Variants in ARHGAP26 observed in about 807,000 individuals in gnomAD.
ARHGAP26 encodes rho GTPase-activating protein 26.
Under a neutral mutation model 104.8 loss-of-function variants are expected in ARHGAP26, and 38 were observed. The ratio of observed to expected loss-of-function variants is 0.36; its 90% CI spans 0.28 to 0.48. The LOEUF is 0.48. Among genes scored for constraint, ARHGAP26 ranks in the 20% least tolerant of loss-of-function variants. ARHGAP26 has a pLI of 0.99. For synonymous variants in ARHGAP26, 341 were observed against 340.0 expected, an observed-to-expected ratio of 1.00 and a Z score of -0.03; for missense variants, 704 against 947.9, an observed-to-expected ratio of 0.74 and a Z score of 3.38.
chr5:142,797,994 G>A (rs1176768027), intron 1 of ARHGAP26, among the ~76,000 whole-genome samples: 20 of 152,172 alleles, frequency 1.3e-4, no homozygotes, highest in Admixed American at 1.3e-3. Flanking sequence ...TTTCCGCTAT[G>A]TCCCAGCCTT....
intron 1 of ARHGAP26, among the ~76,000 whole-genome samples, chr5:142,834,713 A>C (rs1769207453): frequency 6.6e-6 from 1 of 152,204 alleles, no homozygotes; most frequent in African/African-American, 2.4e-5. Context: ...GGGCCTCTTG[A>C]GGCCTAGGCT....
chr5:142,889,011 G>T (rs1451036546), intron 5 of ARHGAP26, among the ~76,000 whole-genome samples: 1 of 152,186 alleles, frequency 6.6e-6, no homozygotes, highest in Non-Finnish European at 1.5e-5. Context: ...CCATTGCAGG[G>T]GGCCCAAGGA....
At chr5:142,803,703 C>A (rs1236450508) in intron 1 of ARHGAP26, among the ~76,000 whole-genome samples, 1 of 152,210 alleles carries the variant, frequency 6.6e-6, no homozygotes, top group African/African-American at 2.4e-5. Flanking sequence ...AGTTAGAGGT[C>A]AGCAGGCAGG....
chr5:142,844,804 G>C (rs769576085), intron 1 of ARHGAP26, among the ~76,000 whole-genome samples: 1 of 148,078 alleles, frequency 6.8e-6, no homozygotes, highest in African/African-American at 2.5e-5. Flanking sequence ...GCAGTGAGCC[G>C]AGATCACACC....
chr5:143,145,186 T>C (rs1366314272), intron 19 of ARHGAP26, among the ~76,000 whole-genome samples: 1 of 152,214 alleles, frequency 6.6e-6, no homozygotes, highest in African/African-American at 2.4e-5. Flanking sequence ...TAGCAAGATA[T>C]TGTTTTTAGT....
intron 11 of ARHGAP26, among the ~76,000 whole-genome samples, chr5:142,973,383 A>G (rs768423643): frequency 1.3e-5 from 2 of 152,218 alleles, no homozygotes; most frequent in African/African-American, 4.8e-5. Flanking sequence ...CTTCTTGAAT[A>G]ATGTGATCTC....
rs532348918 is a variant in ARHGAP26, at chr5:142,846,949, A to T, written c.155-26451A>T. On this transcript the variant is annotated intron_variant, in intron 1 of 22. Coordinates refer to ENST00000645722, the MANE Select transcript of ARHGAP26 (RefSeq NM_001135608.3). ...GACTTTTCACGTCTTATCTCAGAAC[A>T]ACCTTATGAGGTGGGTAGGAAACCT... is the stretch of plus-strand genomic sequence containing the variant. Among the ~76,000 whole-genome samples the T allele has an allele frequency of 2.6e-5, 4 of 152,334 alleles. No individual in the cohort carries two copies. In the South Asian group the frequency reaches 8.3e-4, roughly 32 times the overall value.
At chr5:143,026,496 G>A (rs546437413) in intron 12 of ARHGAP26, among the ~76,000 whole-genome samples, 4 of 152,104 alleles carry the variant, frequency 2.6e-5, no homozygotes, top group Admixed American at 1.3e-4. Context: ...GGAGGGAAGC[G>A]TGTCAGGAGT....
At chr5:142,979,393 T>G (rs1773597315) in intron 11 of ARHGAP26, among the ~76,000 whole-genome samples, 1 of 152,222 alleles carries the variant, frequency 6.6e-6, no homozygotes, top group Non-Finnish European at 1.5e-5. Flanking sequence ...TCAGTCTGTG[T>G]GTCCAGTTGG....
intron 11 of ARHGAP26, among the ~76,000 whole-genome samples, chr5:142,933,582 A>G (rs1004691941): frequency 6.6e-6 from 1 of 152,162 alleles, no homozygotes; most frequent in Non-Finnish European, 1.5e-5. Context: ...TCCTCAGCCC[A>G]TGGCTTCCCA....
chr5:143,134,054 T>C lies in ARHGAP26; in HGVS notation c.1786T>C (p.Cys596Arg), dbSNP rs563141037. 1.9e-6 allele frequency: 3 copies of C among 1,612,630 alleles called. No individual in the cohort carries two copies. Among genetic ancestry groups the C allele is most frequent in the Admixed American group, 1.7e-5 (1 of 59,868 alleles). Reference sequence around the variant, plus strand: ...GAGCAGTGACTCCAAGCCCCCGTCCTGCAGCGAGAGGCCCCTGACGCTCTT... The same window carrying C: ...GAGCAGTGACTCCAAGCCCCCGTCCCGCAGCGAGAGGCCCCTGACGCTCTT... ...KKSSDSKPPS[C>R]SERPLTLFHT... Residue 596 changes from cysteine to arginine, a missense_variant, in exon 19 of 23, where the codon TGC becomes CGC. Cys to Arg is a radical substitution (Grantham distance 180). Around this residue, in one of 6 missense-constraint regions of ARHGAP26, gnomAD observed 217 missense variants for 242.6 expected, o/e 0.89. Coordinates refer to ENST00000645722, the MANE Select transcript of ARHGAP26 (RefSeq NM_001135608.3).
At chr5:143,164,321 C>G (rs549860466) in intron 20 of ARHGAP26, among the ~76,000 whole-genome samples, 133 of 152,278 alleles carry the variant, frequency 8.7e-4, no homozygotes, top group African/African-American at 3.2e-3. Flanking sequence ...ATCAAATTTT[C>G]ATGCAATACC....
intron 2 of ARHGAP26, chr5:142,874,797 A>T (rs1598031367): frequency 3.9e-6 from 1 of 255,888 alleles, no homozygotes; most frequent in East Asian, 8.7e-5. Flanking sequence ...CCTAAGCGGA[A>T]CTCTGCCCCT....
In ARHGAP26 at chr5:142,920,449, C is replaced by G. The variant is rs1194618520; in HGVS notation, c.1028+7156C>G. 2.0e-5 allele frequency among the ~76,000 whole-genome samples: 3 copies of G among 152,172 alleles called. No individual in the cohort carries two copies. In the East Asian group the frequency reaches 5.8e-4, roughly 29 times the overall value. Reference sequence around the variant, plus strand: ...TGTAAGTGACACGTGGATATTTTCTCTCAGGTGTTTTCCAGGAGGGCCTAG... The same window carrying G: ...TGTAAGTGACACGTGGATATTTTCTGTCAGGTGTTTTCCAGGAGGGCCTAG... On this transcript the variant is annotated intron_variant, in intron 10 of 22. Transcript: ENST00000645722.
chr5:142,967,789 G>T (rs928265523), intron 11 of ARHGAP26, among the ~76,000 whole-genome samples: 4 of 152,188 alleles, frequency 2.6e-5, no homozygotes, highest in African/African-American at 9.6e-5. Context: ...AGCTGGGGAA[G>T]TAGCATTCTC....
intron 13 of ARHGAP26, among the ~76,000 whole-genome samples, chr5:143,041,219 T>G (rs1252891973): frequency 6.6e-6 from 1 of 152,266 alleles, no homozygotes; most frequent in African/African-American, 2.4e-5. Context: ...TTTGTTTAGA[T>G]GTTTAATTTA....
At chr5:143,124,104 T>C (rs1012740781) in intron 18 of ARHGAP26, among the ~76,000 whole-genome samples, 1 of 152,230 alleles carries the variant, frequency 6.6e-6, no homozygotes, top group African/African-American at 2.4e-5. Context: ...GTGAAACAAG[T>C]TTGCTTGAAA....
intron 1 of ARHGAP26, among the ~76,000 whole-genome samples, chr5:142,808,564 G>T (rs1042830360): frequency 1.3e-5 from 2 of 151,952 alleles, no homozygotes; most frequent in South Asian, 4.1e-4. Context: ...ACTAAGTGGG[G>T]TATGCAGGGT....
At chr5:142,875,738 A>G (rs1387538679) in intron 3 of ARHGAP26, among the ~76,000 whole-genome samples, 1 of 152,164 alleles carries the variant, frequency 6.6e-6, no homozygotes, top group Non-Finnish European at 1.5e-5. Context: ...CTTTTGTACT[A>G]GAATTTATTG....
Sources: allele counts gnomAD v4.1 joint callset (sites outside exome capture counted in the v4.1 genomes callset), GRCh38; gene constraint gnomAD v4.1.1; regional missense constraint gnomAD v4.1.1; transcripts MANE v1.5; gene names NCBI Gene and HGNC (gene_info 2026-07-23, HGNC 2026-07-21).